CHL1: variants seen among roughly 807,000 people sequenced by gnomAD.
CHL1 encodes neural cell adhesion molecule L1-like protein.
In CHL1, 96 loss-of-function variants were observed where a neutral mutation model predicts 141.9. That is an observed-to-expected ratio of 0.68 (90% CI 0.57 to 0.80). The LOEUF is 0.80. Ranked by LOEUF, CHL1 falls within the 30% of genes least tolerant of loss-of-function variation. The pLI, the probability that CHL1 is intolerant of heterozygous loss-of-function variation, is 0.00. For missense variants in CHL1, 1,820 were observed against 1,457.2 expected (o/e 1.25, Z -4.05); for synonymous variants, 613 against 502.2 (o/e 1.22, Z -2.95).
intron 9 of CHL1, 107 bp from the exon 10 acceptor site, chr3:349,252 G>A (rs1575133092): frequency 3.4e-6 from 3 of 870,238 alleles, no homozygotes; most frequent in Non-Finnish European, 5.4e-6. Context: ...AGTGGAATAT[G>A]AGCACATGTG....
At position 348,573 on chromosome 3, in the gene CHL1, C is replaced by T. The variant is rs140742895; in HGVS notation, c.849-786C>T. ...TTTTCTTAATGTAGCTGCCTTGACT[C>T]CCCAGTCCTTTTTTCCTCCTTACTA... On this transcript the variant is annotated intron_variant, in intron 9 of 27. Transcript: ENST00000256509. Among the ~76,000 whole-genome samples, 152 of 152,272 alleles carry T rather than the reference C, an allele frequency of 1.0e-3. 2 individuals carry two copies. In the East Asian group the frequency reaches 0.01, roughly 10 times the overall value.
At chr3:272,469 A>G (rs1022778504) in intron 2 of CHL1, among the ~76,000 whole-genome samples, 5 of 152,212 alleles carry the variant, frequency 3.3e-5, no homozygotes, top group East Asian at 1.9e-4. Context: ...ACAAGAGACT[A>G]TGTTTTCGTT....
At chr3:288,363 A>T (rs1697362314) in intron 2 of CHL1, among the ~76,000 whole-genome samples, 1 of 151,910 alleles carries the variant, frequency 6.6e-6, no homozygotes, top group African/African-American at 2.4e-5. Context: ...GGCATAATTT[A>T]CATATATGCA....
At chr3:364,643 T>C (rs1317082333) in intron 14 of CHL1, among the ~76,000 whole-genome samples, 1 of 152,144 alleles carries the variant, frequency 6.6e-6, no homozygotes, top group Non-Finnish European at 1.5e-5. Context: ...GACACTTTTT[T>C]TTTTACATAT....
At chr3:336,684 G>A (rs1371314630) in intron 5 of CHL1, among the ~76,000 whole-genome samples, 3 of 152,218 alleles carry the variant, frequency 2.0e-5, no homozygotes, top group South Asian at 4.1e-4. Context: ...AGTTTATGCT[G>A]TAGGATATCC....
At position 389,450 on chromosome 3, in the gene CHL1, G is replaced by A. The variant is rs1575266038; in HGVS notation, c.2446G>A (p.Val816Met). The A allele has an allele frequency of 2.5e-6, 4 of 1,614,138 alleles. No homozygotes were observed. Among genetic ancestry groups the A allele is most frequent in the Non-Finnish European group, 3.4e-6 (4 of 1,180,002 alleles). Residue 816 changes from valine (V) to methionine (M), a missense_variant, in exon 20 of 28, where the codon GTG (valine) becomes ATG (methionine). Val to Met is a conservative substitution (Grantham distance 21). Transcript: ENST00000256509. ...QLGSGPDPQS[V>M]TLYSGEDYPD... ...AGGATCTGGGCCTGACCCTCAGTCA[G>A]TGACTCTCTATTCTGGAGAAGACTG...
chr3:300,331 G>C (rs966507287), intron 2 of CHL1, among the ~76,000 whole-genome samples: 8 of 152,062 alleles, frequency 5.3e-5, no homozygotes, highest in African/African-American at 1.9e-4. Flanking sequence ...TTTTTTGTTT[G>C]AGTTGGGGGT....
Position 366,130 on chromosome 3 carries a change from A to G in CHL1, c.1751+15A>G. On this transcript the variant is annotated intron_variant, in intron 15 of 27. Coordinates refer to ENST00000256509, the MANE Select transcript of CHL1 (RefSeq NM_006614.4). ...GAAGATGGCAGGTAGGTAAACTATT[A>G]TGATATGTCATAATATTTGCTTGGG... is the stretch of plus-strand genomic sequence containing the variant. The G allele has an allele frequency of 6.2e-7, 1 of 1,608,590 alleles. No individual in the cohort carries two copies. The highest frequency in any genetic ancestry group is 1.1e-5 in the South Asian group (1 of 90,260).
chr3:242,503 G>A (rs1420847518), intron 1 of CHL1, among the ~76,000 whole-genome samples: 1 of 151,862 alleles, frequency 6.6e-6, no homozygotes, highest in Non-Finnish European at 1.5e-5. Context: ...GGCTGAGGCA[G>A]GAGAATGGCT....
intron 14 of CHL1, chr3:363,951 A>G (rs1269773478): frequency 6.6e-6 from 1 of 152,194 alleles, no homozygotes; most frequent in Non-Finnish European, 1.5e-5. Flanking sequence ...AATGGAAAGG[A>G]TCTTCGGTAT....
At chr3:349,629 G>C in intron 10 of CHL1, 86 bp downstream of exon 10, 1 of 1,115,214 alleles carries the variant, frequency 9.0e-7, no homozygotes, top group South Asian at 1.5e-5. Flanking sequence ...AATCATACAT[G>C]TTAAAACAGG....
Position 385,992 on chromosome 3 carries a change from C to A in CHL1, c.2247+2106C>A, listed in dbSNP as rs541743806. Among the ~76,000 whole-genome samples the A allele has an allele frequency of 2.6e-5, 4 of 151,864 alleles. No homozygotes were observed. The South Asian group carries it at 8.3e-4, about 32-fold the overall frequency. On this transcript the variant is annotated intron_variant, in intron 19 of 27. Coordinates refer to ENST00000256509, the MANE Select transcript of CHL1 (RefSeq NM_006614.4). ...GGTGTCTCCTATTATCTTGATGTGT[C>A]AGAGATCTAATCACTACTGACACAG... is the stretch of plus-strand genomic sequence containing the variant.
intron 5 of CHL1, among the ~76,000 whole-genome samples, chr3:335,239 A>C (rs976930863): frequency 6.6e-6 from 1 of 152,214 alleles, no homozygotes; most frequent in African/African-American, 2.4e-5. Context: ...CAATTTGTTC[A>C]ATTAAGGGTG....
At chr3:325,396 A>C (rs947103288) in intron 3 of CHL1, among the ~76,000 whole-genome samples, 13 of 151,998 alleles carry the variant, frequency 8.6e-5, no homozygotes, top group African/African-American at 2.7e-4. Context: ...TAAATCAGTA[A>C]TTCAAAAAAG....
At chr3:378,224 T>C (rs568192977) in intron 16 of CHL1, among the ~76,000 whole-genome samples, 1 of 152,200 alleles carries the variant, frequency 6.6e-6, no homozygotes, top group Admixed American at 6.5e-5. Context: ...CACGCTTGAG[T>C]TCCTAGCACT....
Position 252,067 on chromosome 3 carries a change from A to G in CHL1, c.-95+7375A>G, listed in dbSNP as rs142728910. 2.1e-3 allele frequency among the ~76,000 whole-genome samples: 322 copies of G among 152,164 alleles called. 1 individual carries two copies. The highest frequency in any genetic ancestry group is 6.8e-3 in the Middle Eastern group (2 of 294). Reference sequence around the variant, plus strand: ...TCCAACCACCACAAACTTAGAGACCACCAGAAATTTGTGTTACTTGTTTCT... The same window carrying G: ...TCCAACCACCACAAACTTAGAGACCGCCAGAAATTTGTGTTACTTGTTTCT... On this transcript the variant is annotated intron_variant, in intron 2 of 27. Transcript: ENST00000256509.
chr3:300,058 T>A (rs2124892761), intron 2 of CHL1, among the ~76,000 whole-genome samples: 1 of 152,306 alleles, frequency 6.6e-6, no homozygotes, highest in Non-Finnish European at 1.5e-5. Flanking sequence ...AATGGCAGCT[T>A]AGAGAATCTG....
At chr3:363,479 C>A in intron 14 of CHL1, 96 bp downstream of exon 14, 2 of 1,139,294 alleles carry the variant, frequency 1.8e-6, no homozygotes, top group Non-Finnish European at 2.5e-6. Flanking sequence ...AGTTGGAGTA[C>A]CAGATAAAGT....
chr3:276,248 A>G (rs866252913), intron 2 of CHL1, among the ~76,000 whole-genome samples: 2 of 152,180 alleles, frequency 1.3e-5, no homozygotes, highest in South Asian at 4.1e-4. Context: ...CACCAATCAT[A>G]TTGTATATGA....
Sources: gnomAD v4.1 joint callset for allele counts (sites outside exome capture counted in the v4.1 genomes callset) on GRCh38, gnomAD v4.1.1 for gene constraint, MANE v1.5 for transcripts, NCBI Gene and HGNC (gene_info 2026-07-23, HGNC 2026-07-21) for gene names.